The following HACE1 variants were observed in gnomAD, a reference collection of about 807,000 sequenced individuals.
The protein encoded by HACE1 is HECT domain and ankyrin repeat containing E3 ubiquitin protein ligase 1, also known as E3 ubiquitin-protein ligase HACE1.
Under a neutral mutation model 118.4 loss-of-function variants are expected in HACE1, and 73 were observed. The ratio of observed to expected loss-of-function variants is 0.62; its 90% CI spans 0.51 to 0.75. The LOEUF (loss-of-function observed/expected upper bound fraction) is 0.75, where lower values mean the gene tolerates loss of function less well. Among genes scored for constraint, HACE1 ranks in the 30% least tolerant of loss-of-function variants. HACE1 has a pLI of 0.00. For missense variants in HACE1, 749 were observed against 1,102.2 expected, an observed-to-expected ratio of 0.68 and a Z score of 4.54; for synonymous variants, 368 against 374.8, an observed-to-expected ratio of 0.98 and a Z score of 0.21.
intron 6 of HACE1, among the ~76,000 whole-genome samples, chr6:104,821,707 A>G (rs540041437): frequency 6.6e-6 from 1 of 152,354 alleles, no homozygotes; most frequent in South Asian, 2.1e-4. Context: ...GCAGGGATTA[A>G]AACCCAAGTC....
At chr6:104,760,983 C>T (rs1779291826) in intron 19 of HACE1, among the ~76,000 whole-genome samples, 1 of 152,164 alleles carries the variant, frequency 6.6e-6, no homozygotes, top group South Asian at 2.1e-4. Context: ...AGGAATACAA[C>T]TTACAAGGGA....
Position 104,750,393 on chromosome 6 carries a change from A to C in HACE1, c.2291T>G (p.Phe764Cys). The change falls in exon 20 of 24, where the codon TTT (phenylalanine) becomes TGT (cysteine). Residue 764 changes from phenylalanine (F) to cysteine (C), a missense_variant. By Grantham distance (205) the Phe-to-Cys change is radical (BLOSUM62 -2). Transcript: ENST00000262903. Reference protein sequence around the residue: ...QPQINAFLQGFHMFIPPSLIQ... With the variant: ...QPQINAFLQGCHMFIPPSLIQ... ...GAGGGAGGGTGGAATGAACATATGA[A>C]AGCCCTGTAAAAAAGCATTGATCTG... 6.2e-7 allele frequency: 1 copy of C among 1,612,892 alleles called. No homozygotes were observed. The highest frequency in any genetic ancestry group is 1.3e-5 in the African/African-American group (1 of 75,018).
chr6:104,730,117 T>C (rs1045983767), intron 23 of HACE1, among the ~76,000 whole-genome samples, 186 bp downstream of exon 23: 1 of 152,102 alleles, frequency 6.6e-6, no homozygotes, highest in Non-Finnish European at 1.5e-5. Flanking sequence ...TAGGGCTTCC[T>C]CAAACATTTT....
At chr6:104,857,849 G>A (rs1259565093) in intron 1 of HACE1, among the ~76,000 whole-genome samples, 3 of 151,688 alleles carry the variant, frequency 2.0e-5, no homozygotes, top group Non-Finnish European at 2.9e-5. Context: ...CCCAACTACT[G>A]GGAAGGCTGA....
chr6:104,840,657 C>T (rs1228566427), intron 5 of HACE1, among the ~76,000 whole-genome samples: 2 of 151,132 alleles, frequency 1.3e-5, no homozygotes, highest in East Asian at 1.9e-4. Flanking sequence ...GGTAAAACCC[C>T]GTCTCTATTA....
chr6:104,763,197 C>G (rs1158531689), intron 19 of HACE1, among the ~76,000 whole-genome samples: 2 of 151,904 alleles, frequency 1.3e-5, no homozygotes, highest in African/African-American at 4.8e-5. Context: ...AAAGATCATT[C>G]AAACCCACCT....
At chr6:104,750,836 T>C (rs1012821025) in intron 19 of HACE1, among the ~76,000 whole-genome samples, 1 of 152,208 alleles carries the variant, frequency 6.6e-6, no homozygotes, top group Admixed American at 6.5e-5. Flanking sequence ...TTTGCCCCTG[T>C]ACTGATGCTT....
chr6:104,843,188 C>A (rs1386244309), intron 5 of HACE1, 35 bp downstream of exon 5: 1 of 1,055,158 alleles, frequency 9.5e-7, no homozygotes, highest in East Asian at 2.4e-5. Context: ...CTAAAACATA[C>A]TTTTAAAACA....
intron 6 of HACE1, 41 bp downstream of exon 6, chr6:104,833,001 A>C: frequency 6.3e-7 from 1 of 1,587,032 alleles, no homozygotes; most frequent in Non-Finnish European, 8.7e-7. Flanking sequence ...AATTTTAAAA[A>C]ACAAACACAT....
chr6:104,737,338 A>C (rs972410456), intron 22 of HACE1, among the ~76,000 whole-genome samples: 4 of 151,528 alleles, frequency 2.6e-5, no homozygotes, highest in Non-Finnish European at 5.9e-5. Flanking sequence ...AAGATGGCCA[A>C]ATAGGAACAG....
chr6:104,842,594 A>T (rs1289876342), intron 5 of HACE1, among the ~76,000 whole-genome samples: 1 of 152,174 alleles, frequency 6.6e-6, no homozygotes, highest in Non-Finnish European at 1.5e-5. Context: ...AAAAGAACAT[A>T]ACGAAAAACA....
At chr6:104,849,302 G>A (rs1775950872) in intron 3 of HACE1, 56 bp from the exon 4 acceptor site, 1 of 1,022,606 alleles carries the variant, frequency 9.8e-7, no homozygotes. Context: ...CATACTTGAT[G>A]TAGTTCAATT....
intron 19 of HACE1, among the ~76,000 whole-genome samples, chr6:104,751,703 C>A (rs768238585): frequency 1.3e-5 from 2 of 151,940 alleles, no homozygotes; most frequent in Non-Finnish European, 2.9e-5. Context: ...GAATTATATA[C>A]AGAGAGAGAA....
rs539936682 is a variant in HACE1 at position 104,820,343 on chromosome 6, G to T, written c.535-8950C>A. On this transcript the variant is annotated intron_variant, in intron 6 of 23. Coordinates refer to ENST00000262903, the MANE Select transcript of HACE1 (RefSeq NM_020771.4). The stretch of plus-strand genomic sequence containing the variant: ...AACAAGAGTAAAAATTGGAAGTTGG[G>T]ATCTAATTAAACTAAAGAGTTTCTG... Among the ~76,000 whole-genome samples the T allele has an allele frequency of 2.0e-5, 3 of 152,158 alleles. No individual in the cohort carries two copies. The South Asian group carries it at 6.2e-4, about 32-fold the overall frequency.
intron 4 of HACE1, among the ~76,000 whole-genome samples, chr6:104,844,181 G>A (rs989196879): frequency 4.7e-5 from 7 of 149,318 alleles, no homozygotes; most frequent in Admixed American, 3.4e-4. Flanking sequence ...AGGATTTCAG[G>A]CGCATGCCAC....
At chr6:104,830,725 GTTA>G (rs1170975410) in intron 6 of HACE1, among the ~76,000 whole-genome samples, 1 of 146,524 alleles carries the variant, frequency 6.8e-6, no homozygotes, top group Non-Finnish European at 1.5e-5. Flanking sequence ...TTTTGTTGTT[GTTA>G]TTATGGTCAG....
intron 6 of HACE1, among the ~76,000 whole-genome samples, chr6:104,823,364 G>A (rs1303681875): frequency 6.6e-6 from 1 of 151,772 alleles, no homozygotes; most frequent in Non-Finnish European, 1.5e-5. Context: ...AACCTGGGAG[G>A]CAGAGGTTGC....
chr6:104,840,299 G>A (rs955862930), intron 5 of HACE1, among the ~76,000 whole-genome samples: 1 of 152,084 alleles, frequency 6.6e-6, no homozygotes, highest in Non-Finnish European at 1.5e-5. Flanking sequence ...AATAGTTTTC[G>A]TGTACTCAAA....
intron 18 of HACE1, among the ~76,000 whole-genome samples, chr6:104,771,649 T>A (rs1302823634): frequency 6.6e-6 from 1 of 151,078 alleles, no homozygotes; most frequent in Non-Finnish European, 1.5e-5. Flanking sequence ...GCCAATTATC[T>A]TAAGTATACT....
Sources: allele counts gnomAD v4.1 joint callset (sites outside exome capture counted in the v4.1 genomes callset), GRCh38; gene constraint gnomAD v4.1.1; transcripts MANE v1.5; gene names NCBI Gene and HGNC (gene_info 2026-07-23, HGNC 2026-07-21).